SH3RF3: variants seen among roughly 807,000 people sequenced by gnomAD.
The protein encoded by SH3RF3 is SH3 domain containing ring finger 3.
A neutral mutation model predicts 66.3 loss-of-function variants in SH3RF3; 29 were observed. The ratio of observed to expected loss-of-function variants is 0.44; its 90% CI spans 0.33 to 0.60. The LOEUF is 0.60. Among genes scored for constraint, SH3RF3 ranks in the 20% least tolerant of loss-of-function variants. The pLI, the probability that SH3RF3 is intolerant of heterozygous loss-of-function variation, is 0.04. For missense variants in SH3RF3, 1,194 were observed against 1,190.9 expected (o/e 1.00, Z -0.04); for synonymous variants, 583 against 532.0 (o/e 1.10, Z -1.32).
At chr2:109,366,847 C>T (rs1683159815) in intron 2 of SH3RF3, among the ~76,000 whole-genome samples, 1 of 152,150 alleles carries the variant, frequency 6.6e-6, no homozygotes, top group African/African-American at 2.4e-5. Context: ...AGCAAGACCT[C>T]GTCTCAAAAA....
At chr2:109,315,847 G>T (rs1681866665) in intron 1 of SH3RF3, among the ~76,000 whole-genome samples, 1 of 152,174 alleles carries the variant, frequency 6.6e-6, no homozygotes, top group Admixed American at 6.5e-5. Context: ...GATCTTACCT[G>T]TCAGGACGTG....
chr2:109,235,170 C>CT (rs1679614743), intron 1 of SH3RF3, among the ~76,000 whole-genome samples: 1 of 152,182 alleles, frequency 6.6e-6, no homozygotes, highest in African/African-American at 2.4e-5. Context: ...TTTCTAAACA[C>CT]TTCAGAGCGG....
chr2:109,311,494 G>A (rs9677385), intron 1 of SH3RF3, among the ~76,000 whole-genome samples: 43,893 of 147,130 alleles, frequency 0.3, 7,745 homozygotes, highest in African/African-American at 0.53. Context: ...TCTGGCCAGG[G>A]CAATTAGTCA....
intron 1 of SH3RF3, among the ~76,000 whole-genome samples, chr2:109,316,279 G>A (rs887671917): frequency 6.6e-6 from 1 of 152,112 alleles, no homozygotes; most frequent in African/African-American, 2.4e-5. Context: ...TGTGGGCCTC[G>A]GTCCAGGAGG....
At chr2:109,147,935 G>C (rs1409537301) in intron 1 of SH3RF3, among the ~76,000 whole-genome samples, 1 of 152,194 alleles carries the variant, frequency 6.6e-6, no homozygotes, top group Non-Finnish European at 1.5e-5. Context: ...TTTAAATGAA[G>C]AGTTTTGGGG....
intron 9 of SH3RF3, among the ~76,000 whole-genome samples, chr2:109,493,952 C>T (rs141182190): frequency 6.7e-4 from 102 of 152,296 alleles, no homozygotes; most frequent in African/African-American, 2.3e-3. Context: ...GAGTCTCCTC[C>T]GCATCAGAAC....
chr2:109,476,418 G>C (rs961261129), intron 8 of SH3RF3, among the ~76,000 whole-genome samples: 13 of 152,306 alleles, frequency 8.5e-5, no homozygotes, highest in African/African-American at 2.9e-4. Context: ...GAGGTACTGG[G>C]TAGCCCCAGG....
chr2:109,465,018 G>A (rs1678302495), intron 8 of SH3RF3, among the ~76,000 whole-genome samples: 2 of 152,114 alleles, frequency 1.3e-5, no homozygotes, highest in African/African-American at 4.8e-5. Context: ...CCTTTTTACT[G>A]CCTTCATAGA....
chr2:109,355,256 A>G lies in SH3RF3; in HGVS notation c.849+7307A>G, dbSNP rs538866842. 2.6e-5 allele frequency among the ~76,000 whole-genome samples: 4 copies of G among 152,354 alleles called. No individual in the cohort carries two copies. In the South Asian group the frequency reaches 6.2e-4, roughly 24 times the overall value. On this transcript the variant is annotated intron_variant, in intron 2 of 9. Coordinates refer to ENST00000309415, the MANE Select transcript of SH3RF3 (RefSeq NM_001099289.3). ...ATCTGAAAGAGAAATTATGTTGTGG[A>G]AACAAGTTTCATTCATAAAATTCTT...
At chr2:109,340,601 C>G (rs1000724965) in intron 1 of SH3RF3, among the ~76,000 whole-genome samples, 22 of 152,202 alleles carry the variant, frequency 1.4e-4, no homozygotes, top group Admixed American at 1.3e-4. Context: ...AAGCATCTGC[C>G]TTTCCTGGCC....
At chr2:109,218,746 A>C (rs1216928708) in intron 1 of SH3RF3, among the ~76,000 whole-genome samples, 1 of 152,218 alleles carries the variant, frequency 6.6e-6, no homozygotes, top group Non-Finnish European at 1.5e-5. Flanking sequence ...AGTGAAAACA[A>C]AAATAGCCAC....
intron 8 of SH3RF3, among the ~76,000 whole-genome samples, chr2:109,470,027 C>G (rs1004301796): frequency 6.6e-6 from 1 of 152,190 alleles, no homozygotes; most frequent in Admixed American, 6.5e-5. Context: ...TCATTTCACT[C>G]TTCGTGCGTC....
At chr2:109,444,794 A>G (rs762416451) in intron 7 of SH3RF3, among the ~76,000 whole-genome samples, 2 of 152,208 alleles carry the variant, frequency 1.3e-5, no homozygotes, top group Admixed American at 6.5e-5. Flanking sequence ...TAAGATTTCA[A>G]AACACAAAAG....
intron 1 of SH3RF3, among the ~76,000 whole-genome samples, chr2:109,250,082 A>G (rs1340142619): frequency 6.8e-6 from 1 of 147,788 alleles, no homozygotes; most frequent in Non-Finnish European, 1.5e-5. Flanking sequence ...GCAAAACAGT[A>G]GGTGTTCCTT....
At chr2:109,139,537 A>G (rs1034452532) in intron 1 of SH3RF3, among the ~76,000 whole-genome samples, 4 of 152,208 alleles carry the variant, frequency 2.6e-5, no homozygotes, top group African/African-American at 9.7e-5. Flanking sequence ...GAAAACTTCC[A>G]ATGCTAGAAA....
In SH3RF3 at chr2:109,129,984, G is replaced by C. The variant is rs976826137; in HGVS notation, c.444G>C (p.Thr148=). The C allele has an allele frequency of 1.0e-4, 136 of 1,300,160 alleles. 1 individual carries two copies. Among genetic ancestry groups the C allele is most frequent in the Non-Finnish European group, 1.3e-4 (132 of 1,028,960 alleles). 80.5% of individuals were successfully genotyped at this position (1,300,160 alleles called of 1,614,324 possible). A position where few individuals can be genotyped will look rare whatever the true frequency, so the allele number is the denominator to read the frequency against. Residue 148 remains threonine, a synonymous_variant, in exon 1 of 10, where the codon ACG becomes ACC. Coordinates refer to ENST00000309415, the MANE Select transcript of SH3RF3 (RefSeq NM_001099289.3). ...TCCCAGGCCAGAGTGCGGCCCCCAC[G>C]CTCGCGGGCGGCGGGGGCGGCGCGG... is the stretch of plus-strand genomic sequence containing the variant. ...RPIPGQSAAP[T]LAGGGGGAAG...
chr2:109,272,301 C>T (rs1372078324), intron 1 of SH3RF3, among the ~76,000 whole-genome samples: 1 of 152,236 alleles, frequency 6.6e-6, no homozygotes, highest in African/African-American at 2.4e-5. Context: ...GAGCTGATGG[C>T]TACACATCCC....
intron 2 of SH3RF3, among the ~76,000 whole-genome samples, chr2:109,360,975 C>A (rs113817639): frequency 0.018 from 2,751 of 152,222 alleles, 78 homozygotes; most frequent in African/African-American, 0.057. Flanking sequence ...TGTAGATGTT[C>A]TTTATCAAGT....
At chr2:109,442,487 TTAAAA>T (rs1677596830) in intron 7 of SH3RF3, among the ~76,000 whole-genome samples, 1 of 152,126 alleles carries the variant, frequency 6.6e-6, no homozygotes, top group Non-Finnish European at 1.5e-5. Flanking sequence ...TTGAATATCT[TTAAAA>T]TATAATTGAC....
Sources: gnomAD v4.1 joint callset for allele counts (sites outside exome capture counted in the v4.1 genomes callset) on GRCh38, gnomAD v4.1.1 for gene constraint, MANE v1.5 for transcripts, NCBI Gene and HGNC (gene_info 2026-07-23, HGNC 2026-07-21) for gene names.